Variants in CTPS2 observed in about 807,000 individuals in gnomAD.
CTPS2 encodes the protein CTP synthase II.
CTPS2 carries 19 observed loss-of-function variants against 46.8 expected under a neutral mutation model. The observed-to-expected ratio is 0.41, with a 90% CI of 0.28 to 0.60. CTPS2 has a LOEUF of 0.60. Ranked by LOEUF, CTPS2 falls within the 20% of genes least tolerant of loss-of-function variation. CTPS2 has a pLI of 0.35. For synonymous variants in CTPS2, 151 were observed against 165.2 expected (o/e 0.91, Z 0.66); for missense variants, 286 against 447.6 (o/e 0.64, Z 3.26).
intron 10 of CTPS2, among the ~76,000 whole-genome samples, chrX:16,676,575 C>T (rs1922292316): frequency 8.9e-6 from 1 of 112,468 alleles, no homozygotes; most frequent in Non-Finnish European, 1.9e-5. Flanking sequence ...GCAAATTGTT[C>T]TTACCATGAT....
chrX:16,693,064 A>C, intron 6 of CTPS2, 77 bp downstream of exon 6: 1 of 513,956 alleles, frequency 1.9e-6, no homozygotes, highest in Non-Finnish European at 2.9e-6. Flanking sequence ...CTCAAATTAA[A>C]AAAAAAAAAA....
chrX:16,628,088 G>T (rs866786921), intron 14 of CTPS2, among the ~76,000 whole-genome samples: 19 of 111,589 alleles, frequency 1.7e-4, no homozygotes, highest in Middle Eastern at 9.2e-3. Flanking sequence ...AGAAAGCACC[G>T]AGTTGCAGCC....
chrX:16,632,585 G>A (rs1015776107), intron 14 of CTPS2, among the ~76,000 whole-genome samples: 58 of 109,853 alleles, frequency 5.3e-4, no homozygotes, highest in African/African-American at 1.8e-3. Flanking sequence ...CACCATGCCC[G>A]GCTAATTTTT....
intron 17 of CTPS2, among the ~76,000 whole-genome samples, chrX:16,606,705 T>TA (rs1377659600): frequency 9.0e-6 from 1 of 111,329 alleles, no homozygotes; most frequent in Non-Finnish European, 1.9e-5. Context: ...CTCTGAGACA[T>TA]ACTATATCTC....
chrX:16,592,763 A>G (rs1396393476), intron 17 of CTPS2, among the ~76,000 whole-genome samples: 1 of 112,105 alleles, frequency 8.9e-6, no homozygotes, highest in African/African-American at 3.2e-5. Flanking sequence ...TTCCCTTCCA[A>G]CATTCTCATA....
intron 14 of CTPS2, among the ~76,000 whole-genome samples, chrX:16,627,914 G>C (rs145743270): frequency 0.036 from 3,987 of 111,520 alleles, 68 homozygotes; most frequent in Non-Finnish European, 0.049. Context: ...CTTTGATTAA[G>C]GTCCAGCCGT....
intron 8 of CTPS2, 150 bp downstream of exon 8, chrX:16,689,300 C>T: frequency 2.0e-6 from 1 of 488,537 alleles, no homozygotes; most frequent in Non-Finnish European, 3.5e-6. Context: ...CAAAGCACCG[C>T]AACAGTATGC....
chrX:16,622,419 A>G (rs1034308697), intron 14 of CTPS2, among the ~76,000 whole-genome samples: 7 of 110,007 alleles, frequency 6.4e-5, no homozygotes, highest in Admixed American at 1.9e-4. Flanking sequence ...CAAAAAAAAA[A>G]AAAGAAAGAA....
At chrX:16,712,103 G>C (rs1005129425) in intron 1 of CTPS2, 1 of 111,662 alleles carries the variant, frequency 9.0e-6, no homozygotes, top group African/African-American at 3.2e-5. Context: ...ACGGGCCAGC[G>C]TTCCCCAGTC....
intron 13 of CTPS2, among the ~76,000 whole-genome samples, chrX:16,649,199 C>T (rs1236703372): frequency 1.8e-5 from 2 of 111,959 alleles, no homozygotes; most frequent in Non-Finnish European, 3.8e-5. Context: ...TTCGAATGAT[C>T]ACGAAATATA....
chrX:16,684,833 G>A (rs1923039423), intron 8 of CTPS2, among the ~76,000 whole-genome samples: 1 of 111,978 alleles, frequency 8.9e-6, no homozygotes, highest in Non-Finnish European at 1.9e-5. Flanking sequence ...ACTCATGCCT[G>A]TAATCCCAAC....
At chrX:16,631,330 A>G (rs1931454339) in intron 14 of CTPS2, among the ~76,000 whole-genome samples, 1 of 107,582 alleles carries the variant, frequency 9.3e-6, no homozygotes, top group Non-Finnish European at 1.9e-5. Flanking sequence ...CCTGGGCGAC[A>G]GAGCAAGACT....
chrX:16,702,187 T>C (rs1032229194), intron 2 of CTPS2, among the ~76,000 whole-genome samples: 1 of 110,008 alleles, frequency 9.1e-6, no homozygotes, highest in Non-Finnish European at 1.9e-5. Context: ...CCTGAGTAGA[T>C]GGGACTACAG....
In CTPS2 at chrX:16,679,754, G is replaced by A. The variant is rs150399897; in HGVS notation, c.1006-1304C>T. Among the ~76,000 whole-genome samples the A allele has an allele frequency of 4.1e-4, 46 of 111,275 alleles. 1 individual carries two copies. In the East Asian group the frequency reaches 0.011, roughly 27 times the overall value. On this transcript the variant is annotated intron_variant, in intron 9 of 18. Coordinates refer to ENST00000359276, the MANE Select transcript of CTPS2 (RefSeq NM_175859.3). ...CCCATAGACCTCCCTCACCCCTTCC[G>A]CACATGGGGATATAACCAGAGGTTG...
chrX:16,669,849 C>T (rs1400729104), intron 11 of CTPS2, among the ~76,000 whole-genome samples: 1 of 110,655 alleles, frequency 9.0e-6, no homozygotes, highest in Non-Finnish European at 1.9e-5. Flanking sequence ...ACAGGGCTGC[C>T]TCTCCCGCAT....
At chrX:16,654,448 A>G in intron 13 of CTPS2, 1 of 1,203,946 alleles carries the variant, frequency 8.3e-7, no homozygotes, top group Middle Eastern at 2.3e-4. Context: ...CTGGACAAGA[A>G]TGGAGATGGA....
chrX:16,603,523 T>C (rs972351612), intron 17 of CTPS2, among the ~76,000 whole-genome samples: 1 of 111,251 alleles, frequency 9.0e-6, no homozygotes, highest in East Asian at 2.8e-4. Flanking sequence ...TATCACTCTT[T>C]CATCTTTTCT....
rs1320612510 is a variant in CTPS2 at position 16,633,125 on chromosome X, C to A, written c.1393+6022G>T. Among the ~76,000 whole-genome samples the A allele has an allele frequency of 2.9e-5, 3 of 104,849 alleles. No homozygotes were observed. The Admixed American group carries it at 3.1e-4, about 11-fold the overall frequency. 91.0% of individuals were successfully genotyped at this position (104,849 alleles called of 115,157 possible). On this transcript the variant is annotated intron_variant, in intron 14 of 18. Coordinates refer to ENST00000359276, the MANE Select transcript of CTPS2 (RefSeq NM_175859.3). Reference sequence around the variant, plus strand: ...TTGAGACAGGGTCTCACTCTATTGCCCAGACTGGAGTGCGGTGGTACAATC... The same window carrying A: ...TTGAGACAGGGTCTCACTCTATTGCACAGACTGGAGTGCGGTGGTACAATC...
At chrX:16,680,590 A>G (rs978290603) in intron 9 of CTPS2, among the ~76,000 whole-genome samples, 1 of 110,888 alleles carries the variant, frequency 9.0e-6, no homozygotes, top group Non-Finnish European at 1.9e-5. Context: ...GAAAAGAAAA[A>G]AAAAAGACTA....
Sources: allele counts gnomAD v4.1 joint callset (sites outside exome capture counted in the v4.1 genomes callset), GRCh38; gene constraint gnomAD v4.1.1; transcripts MANE v1.5; gene names NCBI Gene and HGNC (gene_info 2026-07-23, HGNC 2026-07-21).